Variants in ABCA5 observed in about 807,000 individuals in gnomAD.
ABCA5 encodes the protein cholesterol transporter ABCA5.
ABCA5 carries 163 observed loss-of-function variants against 206.0 expected under a neutral mutation model. The ratio of observed to expected loss-of-function variants is 0.79; its 90% CI spans 0.70 to 0.90. The LOEUF (loss-of-function observed/expected upper bound fraction) is 0.90. Ranked by LOEUF, ABCA5 falls within the 40% of genes least tolerant of loss-of-function variation. The probability of loss-of-function intolerance (pLI) is 0.00; values close to 1 mark genes in which losing one functional copy is unlikely to be tolerated. For synonymous variants in ABCA5, 609 were observed against 613.8 expected, an observed-to-expected ratio of 0.99 and a Z score of 0.11; for missense variants, 1,859 against 1,912.9, an observed-to-expected ratio of 0.97 and a Z score of 0.53.
At chr17:69,282,367 G>T (rs2075403186) in intron 18 of ABCA5, among the ~76,000 whole-genome samples, 1 of 152,112 alleles carries the variant, frequency 6.6e-6, no homozygotes, top group Non-Finnish European at 1.5e-5. Context: ...CCAACTAAGA[G>T]ATTTCATCCA....
chr17:69,302,639 T>C (rs2075663716), intron 8 of ABCA5, 79 bp downstream of exon 8: 2 of 982,780 alleles, frequency 2.0e-6, no homozygotes, highest in Non-Finnish European at 2.7e-6. Context: ...AAATCAAAGG[T>C]AGTATTCATG....
Position 69,286,215 on chromosome 17 carries a change from T to C in ABCA5, c.2132+6A>G. The C allele has an allele frequency of 1.2e-6, 2 of 1,600,674 alleles. No homozygotes were observed. Among genetic ancestry groups the C allele is most frequent in the East Asian group, 2.2e-5 (1 of 44,560 alleles). On this transcript the variant is annotated splice_donor_region_variant and intron_variant, in intron 16 of 38. Coordinates refer to ENST00000392676, the MANE Select transcript of ABCA5 (RefSeq NM_172232.4). ...ATAGAATAATGTCAATAAAAATGAA[T>C]GATACCTCAGGCGGTAGCCGATCCC... is the stretch of plus-strand genomic sequence containing the variant.
intron 22 of ABCA5, among the ~76,000 whole-genome samples, chr17:69,270,031 TAA>T (rs746724003): frequency 2.6e-5 from 4 of 152,044 alleles, no homozygotes; most frequent in Non-Finnish European, 5.9e-5. Flanking sequence ...ATAAGCATAA[TAA>T]AAGACACCGA....
chr17:69,268,499 A>G (rs1345710779), intron 22 of ABCA5, among the ~76,000 whole-genome samples: 1 of 151,804 alleles, frequency 6.6e-6, no homozygotes, highest in East Asian at 1.9e-4. Flanking sequence ...TCAGCTTCCT[A>G]TGGAACTAGA....
At chr17:69,295,772 C>G (rs144162873) in intron 10 of ABCA5, among the ~76,000 whole-genome samples, 1,938 of 152,166 alleles carry the variant, frequency 0.013, 19 homozygotes, top group Middle Eastern at 0.061. Context: ...GCATTCATGA[C>G]ATACCTAACA....
At chr17:69,318,863 T>G in intron 1 of ABCA5, 1 of 703,938 alleles carries the variant, frequency 1.4e-6, no homozygotes. Flanking sequence ...TGTGATAGAT[T>G]AATGTGTGGA....
intron 24 of ABCA5, among the ~76,000 whole-genome samples, chr17:69,263,138 C>G (rs2075168008): frequency 6.6e-6 from 1 of 151,920 alleles, no homozygotes; most frequent in Admixed American, 6.6e-5. Context: ...GATACTTGGC[C>G]TTTGTTGGAT....
chr17:69,295,856 T>G (rs1466609101), intron 10 of ABCA5, among the ~76,000 whole-genome samples: 3 of 152,158 alleles, frequency 2.0e-5, no homozygotes, highest in Non-Finnish European at 4.4e-5. Context: ...CCAAAAAAAT[T>G]TTCAATATAT....
chr17:69,249,760 T>C, intron 37 of ABCA5, 145 bp downstream of exon 37: 1 of 1,139,256 alleles, frequency 8.8e-7, no homozygotes, highest in South Asian at 1.9e-5. Context: ...TTTAAACTTT[T>C]TAAATAAAAT....
At chr17:69,252,085 C>T (rs1237243585) in intron 34 of ABCA5, among the ~76,000 whole-genome samples, 1 of 149,688 alleles carries the variant, frequency 6.7e-6, no homozygotes, top group Non-Finnish European at 1.5e-5. Context: ...GATCTCGGCT[C>T]ACTGCAAGCT....
rs1489556923 is a variant in ABCA5, at chr17:69,254,456, T to C, written c.4103A>G (p.Glu1368Gly). The C allele has an allele frequency of 6.2e-7, 1 of 1,612,116 alleles. No homozygotes were observed. The highest frequency in any genetic ancestry group is 2.2e-5 in the East Asian group (1 of 44,794). The change falls in exon 32 of 39, where the codon GAA (glutamate) becomes GGA (glycine). Residue 1368 changes from glutamate (E) to glycine (G), a missense_variant. Physicochemically the swap from Glu to Gly is moderately conservative, Grantham distance 98. Coordinates refer to ENST00000392676, the MANE Select transcript of ABCA5 (RefSeq NM_172232.4). ...FLGDYSSETS[E>G]DDDSLKCMGY... is the part of the protein sequence containing the mutation. ...CATACACTTCAGTGAATCATCATCT[T>C]CACTTGTCTCTGAAGAATAATCTCC...
chr17:69,289,902 G>A lies in ABCA5; in HGVS notation c.1742C>T (p.Ala581Val), dbSNP rs1347910308. The A allele has an allele frequency of 1.2e-6, 2 of 1,611,192 alleles. No individual in the cohort carries two copies. The highest frequency in any genetic ancestry group is 1.1e-5 in the South Asian group (1 of 90,836). Residue 581 changes from alanine to valine, a missense_variant, in exon 13 of 39, where the codon GCT (alanine) becomes GTT (valine). Coordinates refer to ENST00000392676, the MANE Select transcript of ABCA5 (RefSeq NM_172232.4). ...LTVEENLSIL[A>V]SIKGIPANNI... Reference sequence around the variant, plus strand: ...GTTGGCTGGTATCCCTTTGATTGAAGCCAAAATTGATAAATTTTCTTCTAC... The same window carrying A: ...GTTGGCTGGTATCCCTTTGATTGAAACCAAAATTGATAAATTTTCTTCTAC...
At chr17:69,253,411 G>A (rs2075038685) in intron 34 of ABCA5, among the ~76,000 whole-genome samples, 162 bp downstream of exon 34, 1 of 152,120 alleles carries the variant, frequency 6.6e-6, no homozygotes, top group Non-Finnish European at 1.5e-5. Context: ...AGTTTTAAAA[G>A]CTTAAGGAAA....
intron 11 of ABCA5, among the ~76,000 whole-genome samples, chr17:69,293,539 T>C (rs919365773): frequency 6.6e-6 from 1 of 152,192 alleles, no homozygotes; most frequent in African/African-American, 2.4e-5. Context: ...TATAATCATC[T>C]GAGTTAAACT....
At chr17:69,290,306 AC>A (rs893494530) in intron 12 of ABCA5, among the ~76,000 whole-genome samples, 10 of 152,266 alleles carry the variant, frequency 6.6e-5, no homozygotes, top group Middle Eastern at 6.8e-3. Context: ...ATCTATTGAT[AC>A]ACTATTTACA....
intron 14 of ABCA5, among the ~76,000 whole-genome samples, chr17:69,288,792 C>T (rs1306988793): frequency 6.6e-6 from 1 of 151,780 alleles, no homozygotes; most frequent in African/African-American, 2.4e-5. Flanking sequence ...TTCCATTCTC[C>T]TTCCTAAAAG....
Position 69,252,444 on chromosome 17 carries a change from T to C in ABCA5, c.4416-578A>G, listed in dbSNP as rs148191676. Among the ~76,000 whole-genome samples, 705 of 152,314 alleles carry C rather than the reference T, an allele frequency of 4.6e-3. 4 individuals carry two copies. Among genetic ancestry groups the C allele is most frequent in the African/African-American group, 0.016 (677 of 41,576 alleles). On this transcript the variant is annotated intron_variant, in intron 34 of 38. Transcript: ENST00000392676. ...AAATAAATTTTAAAATTGATGCCTT[T>C]TCATGTTATAACCAAAACAGGCTTT...
intron 30 of ABCA5, 25 bp from the exon 31 acceptor site, chr17:69,255,659 A>T (rs1007662563): frequency 4.4e-6 from 7 of 1,573,974 alleles, no homozygotes; most frequent in Non-Finnish European, 5.1e-6. Flanking sequence ...AGAAAAAAAA[A>T]TCATAATCAA....
chr17:69,313,702 T>C (rs564926426), intron 2 of ABCA5, among the ~76,000 whole-genome samples: 3 of 152,300 alleles, frequency 2.0e-5, no homozygotes, highest in African/African-American at 7.2e-5. Flanking sequence ...TTAGAAATCA[T>C]ACTTTAATTA....
Sources: allele counts gnomAD v4.1 joint callset (sites outside exome capture counted in the v4.1 genomes callset), GRCh38; gene constraint gnomAD v4.1.1; transcripts MANE v1.5; gene names NCBI Gene and HGNC (gene_info 2026-07-23, HGNC 2026-07-21).